The following KCTD8 variants were observed in gnomAD, a reference collection of about 807,000 sequenced individuals.
KCTD8 encodes the protein BTB/POZ domain-containing protein KCTD8.
In KCTD8, 27 loss-of-function variants were observed where a neutral mutation model predicts 31.5. The ratio of observed to expected loss-of-function variants is 0.86; its 90% CI spans 0.63 to 1.18. KCTD8 has a LOEUF of 1.18. Among genes scored for constraint, KCTD8 ranks in the 50% most tolerant of loss-of-function variants. KCTD8 has a pLI of 0.00. For missense variants in KCTD8, 658 were observed against 647.7 expected (o/e 1.02, Z -0.17); for synonymous variants, 290 against 280.0 (o/e 1.04, Z -0.36).
At chr4:44,279,251 C>T (rs1402069927) in intron 1 of KCTD8, among the ~76,000 whole-genome samples, 1 of 152,030 alleles carries the variant, frequency 6.6e-6, no homozygotes, top group Non-Finnish European at 1.5e-5. Context: ...CAGTGTGGCT[C>T]AACAAGGTTA....
intron 1 of KCTD8, among the ~76,000 whole-genome samples, chr4:44,191,384 C>T (rs568116188): frequency 8.5e-5 from 13 of 152,122 alleles, no homozygotes; most frequent in Middle Eastern, 3.4e-3. Flanking sequence ...AGAATAACAA[C>T]GATTTTAAGG....
At chr4:44,243,254 G>T (rs747769796) in intron 1 of KCTD8, among the ~76,000 whole-genome samples, 1 of 152,044 alleles carries the variant, frequency 6.6e-6, no homozygotes, top group Non-Finnish European at 1.5e-5. Context: ...ACAATTTTTT[G>T]TTGTTGTTAT....
At chr4:44,314,892 G>GAA (rs79225319) in intron 1 of KCTD8, among the ~76,000 whole-genome samples, 20 of 141,296 alleles carry the variant, frequency 1.4e-4, no homozygotes, top group African/African-American at 3.1e-4. Flanking sequence ...AAAAAAACAG[G>GAA]AAAAAAAAAA....
intron 1 of KCTD8, among the ~76,000 whole-genome samples, chr4:44,332,458 C>T (rs972308674): frequency 6.6e-6 from 1 of 151,884 alleles, no homozygotes; most frequent in Non-Finnish European, 1.5e-5. Flanking sequence ...TCAGTCTTTA[C>T]ACAAAAAGGA....
At chr4:44,343,806 T>C (rs1718966767) in intron 1 of KCTD8, among the ~76,000 whole-genome samples, 1 of 152,204 alleles carries the variant, frequency 6.6e-6, no homozygotes, top group African/African-American at 2.4e-5. Context: ...CAGTGTCTAC[T>C]ACCTGAAAAT....
chr4:44,271,742 G>A (rs1008818123), intron 1 of KCTD8, among the ~76,000 whole-genome samples: 5 of 152,080 alleles, frequency 3.3e-5, no homozygotes, highest in African/African-American at 9.6e-5. Flanking sequence ...CCTTTGTTTC[G>A]GCCCATCCCT....
chr4:44,290,775 C>A (rs895165360), intron 1 of KCTD8, among the ~76,000 whole-genome samples: 1 of 151,870 alleles, frequency 6.6e-6, no homozygotes, highest in Non-Finnish European at 1.5e-5. Flanking sequence ...AAATTAGAGA[C>A]ACATCTTACC....
intron 1 of KCTD8, among the ~76,000 whole-genome samples, chr4:44,276,644 T>G (rs980901379): frequency 2.0e-5 from 3 of 152,004 alleles, no homozygotes; most frequent in African/African-American, 7.2e-5. Context: ...TTTGTGTGTA[T>G]GTGTTTTAAA....
intron 1 of KCTD8, among the ~76,000 whole-genome samples, chr4:44,434,883 T>C (rs966575303): frequency 7.2e-5 from 11 of 151,946 alleles, no homozygotes; most frequent in African/African-American, 1.2e-4. Flanking sequence ...TGAAGTCACC[T>C]AGTAATTGCT....
chr4:44,233,708 G>A (rs1715190861), intron 1 of KCTD8, among the ~76,000 whole-genome samples: 1 of 152,062 alleles, frequency 6.6e-6, no homozygotes, highest in South Asian at 2.1e-4. Context: ...TTTAGATTAT[G>A]AATATAATTT....
At chr4:44,265,319 T>C (rs1716311486) in intron 1 of KCTD8, among the ~76,000 whole-genome samples, 2 of 152,080 alleles carry the variant, frequency 1.3e-5, no homozygotes, top group African/African-American at 4.8e-5. Context: ...CCAACAGAAC[T>C]GCAGCTGAGG....
intron 1 of KCTD8, among the ~76,000 whole-genome samples, chr4:44,394,918 A>G (rs1720460095): frequency 6.6e-6 from 1 of 152,124 alleles, no homozygotes; most frequent in Non-Finnish European, 1.5e-5. Context: ...TAGAGGCCTT[A>G]ACTCTGTGAT....
At chr4:44,340,295 T>C (rs904759656) in intron 1 of KCTD8, among the ~76,000 whole-genome samples, 1 of 149,486 alleles carries the variant, frequency 6.7e-6, no homozygotes, top group African/African-American at 2.5e-5. Flanking sequence ...GCAACTTACA[T>C]ATGTACATTT....
chr4:44,316,331 A>G (rs917534099), intron 1 of KCTD8, among the ~76,000 whole-genome samples: 2 of 152,162 alleles, frequency 1.3e-5, no homozygotes, highest in Non-Finnish European at 2.9e-5. Context: ...AAGGGCAATA[A>G]GAATTATTGT....
Position 44,448,542 on chromosome 4 carries a change from C to A in KCTD8, c.-19G>T. On this transcript the variant is annotated 5_prime_UTR_variant, in exon 1 of 2. Transcript: ENST00000360029. The surrounding 1 kb of genome is among the most constrained non-coding windows in gnomAD (Gnocchi z 4.1). ...GAGCCATAGTCCCCCCGCCGCCGGC[C>A]CAGTGACCCGAGAGAGCTGCACTTT... The A allele has an allele frequency of 6.9e-7, 1 of 1,450,630 alleles. No homozygotes were observed. The highest frequency in any genetic ancestry group is 9.0e-7 in the Non-Finnish European group (1 of 1,106,386). The allele number at this position is 1,450,630 out of a possible 1,614,324, so 89.9% of individuals were successfully genotyped here.
rs1721431452 is a variant in KCTD8 at position 44,429,846 on chromosome 4, T to G, written c.961+17717A>C. On this transcript the variant is annotated intron_variant, in intron 1 of 1. Coordinates refer to ENST00000360029, the MANE Select transcript of KCTD8 (RefSeq NM_198353.3). ...AGGATAGAAGGGATAGTTCCTCTACTATTAGAACAGAAGGGACGTCAGATA... is the reference window on the plus strand; with the variant it reads ...AGGATAGAAGGGATAGTTCCTCTACGATTAGAACAGAAGGGACGTCAGATA... Among the ~76,000 whole-genome samples the G allele has an allele frequency of 2.0e-5, 3 of 151,668 alleles. No homozygotes were observed. The South Asian group carries it at 6.2e-4, about 31-fold the overall frequency.
chr4:44,447,884 G>A lies in KCTD8; in HGVS notation c.640C>T (p.Arg214Trp). The change falls in exon 1 of 2, where the codon CGG becomes TGG. Residue 214 changes from arginine (R) to tryptophan (W), a missense_variant. Arg to Trp is a moderately radical substitution (Grantham distance 101). Coordinates refer to ENST00000360029, the MANE Select transcript of KCTD8 (RefSeq NM_198353.3). ...TCGCGCACGGTGGTGTAGGAGCCCC[G>A]GTAGCCCAGCGTGAGGAAGCCCGAG... ...KRSGFLTLGYRGSYTTVRDNQ... is the reference protein window; with the variant it reads ...KRSGFLTLGYWGSYTTVRDNQ... 1 of 1,541,590 alleles carries A rather than the reference G, an allele frequency of 6.5e-7. No homozygotes were observed. The highest frequency in any genetic ancestry group is 8.8e-7 in the Non-Finnish European group (1 of 1,141,166).
chr4:44,210,692 A>G (rs1682572102), intron 1 of KCTD8, among the ~76,000 whole-genome samples: 1 of 152,210 alleles, frequency 6.6e-6, no homozygotes, highest in South Asian at 2.1e-4. Flanking sequence ...GTAGTAATAT[A>G]CAGATGAGAC....
At chr4:44,252,545 A>G (rs1004767124) in intron 1 of KCTD8, among the ~76,000 whole-genome samples, 1 of 151,668 alleles carries the variant, frequency 6.6e-6, no homozygotes, top group Non-Finnish European at 1.5e-5. Context: ...TTTTTTGATT[A>G]TGGGCATTGT....
Sources: allele counts gnomAD v4.1 joint callset (sites outside exome capture counted in the v4.1 genomes callset), GRCh38; gene constraint gnomAD v4.1.1; non-coding constraint Gnocchi (gnomAD v3.1); transcripts MANE v1.5; gene names NCBI Gene and HGNC (gene_info 2026-07-23, HGNC 2026-07-21).